The following SYTL1 variants were observed in gnomAD, a reference collection of about 807,000 sequenced individuals.
SYTL1 encodes synaptotagmin-like protein 1.
Under a neutral mutation model 74.6 loss-of-function variants are expected in SYTL1, and 53 were observed. That is an observed-to-expected ratio of 0.71 (90% CI 0.57 to 0.89). The LOEUF (loss-of-function observed/expected upper bound fraction) is 0.89. SYTL1 is among the 40% of genes least tolerant of loss of function. The probability of loss-of-function intolerance (pLI) is 0.00; values close to 1 mark genes in which losing one functional copy is unlikely to be tolerated. For missense variants in SYTL1, 728 were observed against 768.7 expected, an observed-to-expected ratio of 0.95 and a Z score of 0.63; for synonymous variants, 329 against 324.9, an observed-to-expected ratio of 1.01 and a Z score of -0.14.
intron 6 of SYTL1, 91 bp downstream of exon 6, chr1:27,349,243 C>T: frequency 6.7e-7 from 1 of 1,501,320 alleles, no homozygotes. Context: ...TCACCCTCGT[C>T]ACCCCCACTC....
chr1:27,350,558 G>A lies in SYTL1; in HGVS notation c.1005+73G>A. ...CCCTTCCTGCGGGGCTAGGTGGCAA[G>A]GGCAGCCAGTAACGTCATTGCCCGG... On this transcript the variant is annotated intron_variant, in intron 10 of 14. Transcript: ENST00000616558. The surrounding 1 kb of genome is among the most constrained non-coding windows in gnomAD (Gnocchi z 6.3). 2 of 1,327,436 alleles carry A rather than the reference G, an allele frequency of 1.5e-6. No individual in the cohort carries two copies. Among genetic ancestry groups the A allele is most frequent in the Non-Finnish European group, 2.1e-6 (2 of 942,332 alleles). 82.2% of individuals were successfully genotyped at this position (1,327,436 alleles called of 1,614,324 possible). A position where few individuals can be genotyped will look rare whatever the true frequency, so the allele number is the denominator to read the frequency against.
At position 27,350,057 on chromosome 1, in the gene SYTL1, C is replaced by G. The variant is rs1366734897; in HGVS notation, c.833C>G (p.Pro278Arg). Residue 278 changes from proline (P) to arginine (R), a missense_variant, in exon 9 of 15, where the codon CCG becomes CGG. Coordinates refer to ENST00000616558, the MANE Select transcript of SYTL1 (RefSeq NM_001193308.2). This position sits in a 1 kb window ranked among gnomAD's most constrained non-coding sequence, Gnocchi z 6.3. ...GSVHFALHYE[P>R]GAAELRVHVI... The stretch of plus-strand genomic sequence containing the variant: ...GTGCACTTCGCGCTGCACTACGAGC[C>G]GGGCGCCGCCGAGCTGCGCGTGCAC... 6.6e-7 allele frequency: 1 copy of G among 1,510,074 alleles called. No individual in the cohort carries two copies. Among genetic ancestry groups the G allele is most frequent in the Non-Finnish European group, 8.8e-7 (1 of 1,137,682 alleles). The allele number at this position is 1,510,074 out of a possible 1,614,324, so 93.5% of individuals were successfully genotyped here. A position where few individuals can be genotyped will look rare whatever the true frequency, so the allele number is the denominator to read the frequency against.
In SYTL1 at chr1:27,350,748, G is replaced by A; in HGVS notation, c.1006-46G>A. 6.3e-7 allele frequency: 1 copy of A among 1,599,576 alleles called. No individual in the cohort carries two copies. Among genetic ancestry groups the A allele is most frequent in the East Asian group, 2.2e-5 (1 of 44,570 alleles). ...CTCAGCCAACTCGCGCAGCATCTAC[G>A]CGGGCCACCAGCAGTGCTCCACTAA... On this transcript the variant is annotated intron_variant, in intron 10 of 14. Coordinates refer to ENST00000616558, the MANE Select transcript of SYTL1 (RefSeq NM_001193308.2). This position sits in a 1 kb window ranked among gnomAD's most constrained non-coding sequence, Gnocchi z 6.3.
intron 13 of SYTL1, chr1:27,352,300 A>G (rs2015308922): frequency 6.6e-6 from 1 of 151,584 alleles, no homozygotes; most frequent in Admixed American, 6.6e-5. Flanking sequence ...ACGCCACTGC[A>G]CTCCAACCTG....
In SYTL1 at chr1:27,353,458, C is replaced by G; in HGVS notation, c.1519C>G (p.Leu507Val). Residue 507 changes from leucine (L) to valine (V), a missense_variant, in exon 14 of 15, where the codon CTG becomes GTG. By Grantham distance (32) the Leu-to-Val change is conservative (BLOSUM62 1). Transcript: ENST00000616558. ...CCATGGGGCCCTGGCCAACCGCCAG[C>G]TGGGGGGCACACGCCTCAGCCTGGG... The part of the protein sequence containing the change: ...WDHGALANRQ[L>V]GGTRLSLGTG... The G allele has an allele frequency of 6.2e-7, 1 of 1,607,702 alleles. No homozygotes were observed. Among genetic ancestry groups the G allele is most frequent in the Non-Finnish European group, 8.5e-7 (1 of 1,177,770 alleles).
In SYTL1 at chr1:27,353,303, G is replaced by A; in HGVS notation, c.1364G>A (p.Ser455Asn). 1 of 1,597,720 alleles carries A rather than the reference G, an allele frequency of 6.3e-7. No individual in the cohort carries two copies. The highest frequency in any genetic ancestry group is 8.5e-7 in the Non-Finnish European group (1 of 1,172,584). ...CACAGCTTCGTGCTGCCTGATGACA[G>A]CCAGGCCAGCCGCCAGCGTACAAGG... is the stretch of plus-strand genomic sequence containing the variant. ...YVQCFVLPDD[S>N]QASRQRTRVV... The change falls in exon 14 of 15, where the codon AGC becomes AAC. Residue 455 changes from serine (S) to asparagine (N), a missense_variant. Physicochemically the swap from Ser to Asn is conservative, Grantham distance 46 (BLOSUM62 1). Transcript: ENST00000616558.
At chr1:27,344,291 C>T (rs1238804772) in intron 1 of SYTL1, among the ~76,000 whole-genome samples, 5 of 151,972 alleles carry the variant, frequency 3.3e-5, no homozygotes, top group Non-Finnish European at 2.9e-5. Flanking sequence ...TTAGTAGAGA[C>T]GGGGTTTCTC....
chr1:27,350,950 C>T lies in SYTL1; in HGVS notation c.1162C>T (p.Arg388Trp). The T allele has an allele frequency of 6.2e-7, 1 of 1,612,982 alleles. No homozygotes were observed. The highest frequency in any genetic ancestry group is 8.5e-7 in the Non-Finnish European group (1 of 1,179,802). Residue 388 changes from arginine (R) to tryptophan (W), a missense_variant and splice_region_variant, in exon 11 of 15, where the codon CGG becomes TGG. By Grantham distance (101) the Arg-to-Trp change is moderately radical. Coordinates refer to ENST00000616558, the MANE Select transcript of SYTL1 (RefSeq NM_001193308.2). The surrounding 1 kb of genome is among the most constrained non-coding windows in gnomAD (Gnocchi z 6.3). ...GCCCACCTGGCTCCCCCTGCAGCCC[C>T]GGGTGAGGCAGCCAGGCCGCGTGGG... Reference protein sequence around the residue: ...SEPTWLPLQPRVPPSPDDLPS... With the variant: ...SEPTWLPLQPWVPPSPDDLPS...
chr1:27,345,539 GACCCTGGCCGGGGAGC>G lies in SYTL1; in HGVS notation c.191+18_191+33del. The G allele has an allele frequency of 6.5e-7, 1 of 1,533,226 alleles. No individual in the cohort carries two copies. Among genetic ancestry groups the G allele is most frequent in the Non-Finnish European group, 8.8e-7 (1 of 1,135,574 alleles). 95.0% of individuals were successfully genotyped at this position (1,533,226 alleles called of 1,614,324 possible). On this transcript the variant is annotated intron_variant, in intron 2 of 14. Transcript: ENST00000616558. The surrounding 1 kb of genome is among the most constrained non-coding windows in gnomAD (Gnocchi z 6.0). ...GGGGCGGGTCAGGTAAGGCAGGGCA[GACCCTGGCCGGGGAGC>G]ACCAAGAGGCTTGAGTGGCCCCCAT...
chr1:27,353,312 G>A lies in SYTL1; in HGVS notation c.1373G>A (p.Ser458Asn), dbSNP rs1161223026. The part of the protein sequence containing the change: ...CFVLPDDSQA[S>N]RQRTRVVRRS... ...GTGCTGCCTGATGACAGCCAGGCCA[G>A]CCGCCAGCGTACAAGGGTTGTGCGA... is the stretch of plus-strand genomic sequence containing the variant. The change falls in exon 14 of 15, where the codon AGC (serine) becomes AAC (asparagine). Residue 458 changes from serine to asparagine, a missense_variant. Transcript: ENST00000616558. 2 of 1,603,460 alleles carry A rather than the reference G, an allele frequency of 1.2e-6. No individual in the cohort carries two copies. The highest frequency in any genetic ancestry group is 1.7e-6 in the Non-Finnish European group (2 of 1,175,436).
chr1:27,351,153 G>A lies in SYTL1; in HGVS notation c.1165-105G>A, dbSNP rs1348195633. The stretch of plus-strand genomic sequence containing the variant: ...GGACCCCTAGGTTCTGCCCCTGCAG[G>A]CCCCGCCGTCTCTTCTAGCCGCACC... On this transcript the variant is annotated intron_variant, in intron 11 of 14. Coordinates refer to ENST00000616558, the MANE Select transcript of SYTL1 (RefSeq NM_001193308.2). This position sits in a 1 kb window ranked among gnomAD's most constrained non-coding sequence, Gnocchi z 5.0. The A allele has an allele frequency of 4.3e-6, 6 of 1,405,676 alleles. No individual in the cohort carries two copies. Among genetic ancestry groups the A allele is most frequent in the South Asian group, 2.6e-5 (2 of 77,658 alleles). 87.1% of individuals were successfully genotyped at this position (1,405,676 alleles called of 1,614,324 possible). A position where few individuals can be genotyped will look rare whatever the true frequency, so the allele number is the denominator to read the frequency against.
At chr1:27,349,295 G>A (rs1002033889) in intron 6 of SYTL1, 103 bp from the exon 7 acceptor site, 24 of 1,457,730 alleles carry the variant, frequency 1.6e-5, no homozygotes, top group South Asian at 2.8e-5. Context: ...GGGCAGCACC[G>A]GGGCCTGAAT....
chr1:27,348,040 C>A lies in SYTL1; in HGVS notation c.459+28C>A. ...AAGTGAATGAGCCAACATGTGAGTA[C>A]AGTGTCCCTGGAGGGGAGGTGGAAT... is the stretch of plus-strand genomic sequence containing the variant. On this transcript the variant is annotated intron_variant, in intron 5 of 14. Coordinates refer to ENST00000616558, the MANE Select transcript of SYTL1 (RefSeq NM_001193308.2). The surrounding 1 kb of genome is among the most constrained non-coding windows in gnomAD (Gnocchi z 4.1). 1 of 1,611,054 alleles carries A rather than the reference C, an allele frequency of 6.2e-7. No homozygotes were observed. The highest frequency in any genetic ancestry group is 8.5e-7 in the Non-Finnish European group (1 of 1,177,364).
Position 27,351,057 on chromosome 1 carries a change from C to G in SYTL1, c.1164+105C>G, listed in dbSNP as rs978463145. 1.4e-6 allele frequency: 2 copies of G among 1,420,426 alleles called. No individual in the cohort carries two copies. The highest frequency in any genetic ancestry group is 1.9e-6 in the Non-Finnish European group (2 of 1,043,198). The allele number at this position is 1,420,426 out of a possible 1,614,324, so 88.0% of individuals were successfully genotyped here. A position where few individuals can be genotyped will look rare whatever the true frequency, so the allele number is the denominator to read the frequency against. ...TCACACCCCGCCTTCGACAGAACCT[C>G]CCCTCAACCTCTTAACCTCATGGCC... On this transcript the variant is annotated intron_variant, in intron 11 of 14. Transcript: ENST00000616558. The surrounding 1 kb of genome is among the most constrained non-coding windows in gnomAD (Gnocchi z 5.0).
Position 27,350,387 on chromosome 1 carries a change from A to T in SYTL1, c.909-2A>T, listed in dbSNP as rs1355299494. 1 of 1,613,814 alleles carries T rather than the reference A, an allele frequency of 6.2e-7. No homozygotes were observed. On this transcript the variant is annotated splice_acceptor_variant, in intron 9 of 14. Coordinates refer to ENST00000616558, the MANE Select transcript of SYTL1 (RefSeq NM_001193308.2). LOFTEE classifies it high-confidence loss of function. This position sits in a 1 kb window ranked among gnomAD's most constrained non-coding sequence, Gnocchi z 6.3. Reference sequence around the variant, plus strand: ...CCTCACCTCGGGTTCTCACCTCCCCAGCTACGTCAAAAGCTACCTCCTCCC... The same window carrying T: ...CCTCACCTCGGGTTCTCACCTCCCCTGCTACGTCAAAAGCTACCTCCTCCC...
In SYTL1 at chr1:27,347,866, G is replaced by C. The variant is rs757935917; in HGVS notation, c.399G>C (p.Glu133Asp). 4 of 1,614,124 alleles carry C rather than the reference G, an allele frequency of 2.5e-6. No individual in the cohort carries two copies. In the Admixed American group the frequency reaches 5.0e-5, roughly 20 times the overall value. Reference protein sequence around the residue: ...EAEAAVKEKEEGPEPRLTIDE... With the variant: ...EAEAAVKEKEDGPEPRLTIDE... Reference sequence around the variant, plus strand: ...AGGCTGCTGTGAAAGAGAAGGAAGAGGGGCCAGAGCCCAGGTGAGGAGGAG... The same window carrying C: ...AGGCTGCTGTGAAAGAGAAGGAAGACGGGCCAGAGCCCAGGTGAGGAGGAG... Residue 133 changes from glutamate (E) to aspartate (D), a missense_variant, in exon 4 of 15, where the codon GAG (glutamate) becomes GAC (aspartate). By Grantham distance (45) the Glu-to-Asp change is conservative (BLOSUM62 2). Transcript: ENST00000616558. The surrounding 1 kb of genome is among the most constrained non-coding windows in gnomAD (Gnocchi z 4.9).
In SYTL1 at chr1:27,349,780, A is replaced by AGGGGACCCGGGCGGCCGGGGG. The variant is rs1466788082; in HGVS notation, c.747+17_747+37dup. On this transcript the variant is annotated intron_variant, in intron 8 of 14. Transcript: ENST00000616558. Reference sequence around the variant, plus strand: ...ACTCCTCCACGGTGAGGCGGGAGGGAGGGGACCCGGGCGGCCGGGGGGTGG... The same window carrying AGGGGACCCGGGCGGCCGGGGG: ...ACTCCTCCACGGTGAGGCGGGAGGGAGGGGACCCGGGCGGCCGGGGGGGGGACCCGGGCGGCCGGGGGGTGG... The AGGGGACCCGGGCGGCCGGGGG allele has an allele frequency of 2.0e-5, 31 of 1,584,970 alleles. No individual in the cohort carries two copies. The highest frequency in any genetic ancestry group is 2.6e-5 in the Non-Finnish European group (31 of 1,172,280).
chr1:27,351,674 G>A lies in SYTL1; in HGVS notation c.1343+119G>A. On this transcript the variant is annotated intron_variant, in intron 13 of 14. Coordinates refer to ENST00000616558, the MANE Select transcript of SYTL1 (RefSeq NM_001193308.2). This position sits in a 1 kb window ranked among gnomAD's most constrained non-coding sequence, Gnocchi z 5.0. ...CAGCCTGGGCTTTCACCACTGAGCAGGGGTGAAGGGGACGGTTTGAGCAAA... is the reference window on the plus strand; with the variant it reads ...CAGCCTGGGCTTTCACCACTGAGCAAGGGTGAAGGGGACGGTTTGAGCAAA... The A allele has an allele frequency of 7.6e-6, 5 of 659,820 alleles. No homozygotes were observed. The highest frequency in any genetic ancestry group is 1.0e-5 in the Non-Finnish European group (4 of 397,134). The allele number at this position is 659,820 out of a possible 1,614,324, so 40.9% of individuals were successfully genotyped here.
In SYTL1 at chr1:27,353,485, A is replaced by C; in HGVS notation, c.1546A>C (p.Thr516Pro). 1 of 1,596,958 alleles carries C rather than the reference A, an allele frequency of 6.3e-7. No individual in the cohort carries two copies. The highest frequency in any genetic ancestry group is 8.5e-7 in the Non-Finnish European group (1 of 1,172,364). ...GGGGGGCACACGCCTCAGCCTGGGC[A>C]CCGGTAAGTGGGACAGCACCCTGAG... Reference protein sequence around the residue: ...QLGGTRLSLGTGSSYGLQVPW... With the variant: ...QLGGTRLSLGPGSSYGLQVPW... The change falls in exon 14 of 15, where the codon ACC becomes CCC. Residue 516 changes from threonine to proline, a missense_variant. Transcript: ENST00000616558.
Sources: allele counts gnomAD v4.1 joint callset (sites outside exome capture counted in the v4.1 genomes callset), GRCh38; gene constraint gnomAD v4.1.1; non-coding constraint Gnocchi (gnomAD v3.1); transcripts MANE v1.5; gene names NCBI Gene and HGNC (gene_info 2026-07-23, HGNC 2026-07-21).